Variants in INPP5D observed in about 807,000 individuals in gnomAD.
INPP5D encodes inositol polyphosphate-5-phosphatase D, also known as phosphatidylinositol 3,4,5-trisphosphate 5-phosphatase 1.
In INPP5D, 33 loss-of-function variants were observed where a neutral mutation model predicts 122.9. The observed-to-expected ratio is 0.27, with a 90% CI of 0.20 to 0.36. The LOEUF (loss-of-function observed/expected upper bound fraction) is 0.36, where lower values mean the gene tolerates loss of function less well. Among genes scored for constraint, INPP5D ranks in the 10% least tolerant of loss-of-function variants. The probability of loss-of-function intolerance (pLI) is 1.00; values close to 1 mark genes in which losing one functional copy is unlikely to be tolerated. For missense variants in INPP5D, 1,053 were observed against 1,412.7 expected, an observed-to-expected ratio of 0.75 and a Z score of 4.08; for synonymous variants, 584 against 576.2, an observed-to-expected ratio of 1.01 and a Z score of -0.19.
chr2:233,141,183 T>C (rs1295365177), intron 6 of INPP5D: 3 of 152,148 alleles, frequency 2.0e-5, no homozygotes, highest in Non-Finnish European at 4.4e-5. Context: ...AAATGTGAAC[T>C]GCAGGCATCC....
intron 1 of INPP5D, among the ~76,000 whole-genome samples, chr2:233,061,644 C>G (rs1009637988): frequency 1.7e-4 from 26 of 152,184 alleles, no homozygotes; most frequent in African/African-American, 5.8e-4. Flanking sequence ...ACCTGTCGTG[C>G]TAAGCATTTG....
intron 1 of INPP5D, among the ~76,000 whole-genome samples, chr2:233,062,060 G>T (rs540468938): frequency 1.2e-4 from 19 of 152,314 alleles, no homozygotes; most frequent in Admixed American, 7.2e-4. Flanking sequence ...GACTTCCCCA[G>T]TGGGGACCTG....
intron 2 of INPP5D, among the ~76,000 whole-genome samples, chr2:233,094,504 C>G (rs1372017688): frequency 4.6e-5 from 1 of 21,722 alleles, no homozygotes; most frequent in Non-Finnish European, 8.6e-5. Context: ...TAGAGCAAGA[C>G]TCCATCCCAA....
chr2:233,104,032 A>G (rs1206523560), intron 2 of INPP5D, among the ~76,000 whole-genome samples: 1 of 109,944 alleles, frequency 9.1e-6, no homozygotes, highest in East Asian at 2.6e-4. Flanking sequence ...TTTTTTTGAG[A>G]CATAGTCTTG....
At chr2:233,194,896 G>A (rs1265106732) in intron 23 of INPP5D, among the ~76,000 whole-genome samples, 3 of 151,966 alleles carry the variant, frequency 2.0e-5, no homozygotes, top group Non-Finnish European at 4.4e-5. Flanking sequence ...CCGCCTCCCA[G>A]GTTCAAGCAA....
chr2:233,064,058 G>A (rs1691145833), intron 1 of INPP5D, among the ~76,000 whole-genome samples: 1 of 152,272 alleles, frequency 6.6e-6, no homozygotes, highest in Non-Finnish European at 1.5e-5. Context: ...GGCCGAGCCG[G>A]CATCCCCTTG....
chr2:233,098,248 A>G (rs1692203129), intron 2 of INPP5D, among the ~76,000 whole-genome samples: 2 of 152,232 alleles, frequency 1.3e-5, no homozygotes, highest in East Asian at 1.9e-4. Flanking sequence ...GGAGGATGCA[A>G]GTCAAAGACA....
At chr2:233,110,350 T>C (rs1692587099) in intron 2 of INPP5D, among the ~76,000 whole-genome samples, 1 of 151,916 alleles carries the variant, frequency 6.6e-6, no homozygotes, top group Non-Finnish European at 1.5e-5. Context: ...CCACTGTGCC[T>C]GGCCTAATTT....
At chr2:233,065,740 G>A (rs1690671047) in intron 1 of INPP5D, among the ~76,000 whole-genome samples, 1 of 151,382 alleles carries the variant, frequency 6.6e-6, no homozygotes, top group Admixed American at 6.6e-5. Flanking sequence ...TCCACCTCCA[G>A]GATTCAAGCA....
At chr2:233,173,180 G>T (rs571704855) in intron 17 of INPP5D, among the ~76,000 whole-genome samples, 53 of 148,600 alleles carry the variant, frequency 3.6e-4, no homozygotes, top group Middle Eastern at 3.5e-3. Context: ...TTGCATGCCA[G>T]CCTGGGTGAC....
At chr2:233,064,435 C>G (rs1691156052) in intron 1 of INPP5D, among the ~76,000 whole-genome samples, 1 of 152,242 alleles carries the variant, frequency 6.6e-6, no homozygotes, top group African/African-American at 2.4e-5. Flanking sequence ...CCGGACAGAC[C>G]TGGCTTCACC....
At chr2:233,162,023 A>G (rs893772428) in intron 11 of INPP5D, among the ~76,000 whole-genome samples, 197 bp downstream of exon 11, 4 of 152,184 alleles carry the variant, frequency 2.6e-5, no homozygotes, top group African/African-American at 9.7e-5. Flanking sequence ...GATGGGTAAG[A>G]AAAACGAGCT....
chr2:233,156,573 G>A (rs1249156940), intron 9 of INPP5D, among the ~76,000 whole-genome samples: 1 of 152,170 alleles, frequency 6.6e-6, no homozygotes, highest in Non-Finnish European at 1.5e-5. Flanking sequence ...AGGATTACAG[G>A]CATGAGCCAC....
Position 233,105,193 on chromosome 2 carries a change from T to A in INPP5D, c.199-16914T>A, listed in dbSNP as rs1559293838. On this transcript the variant is annotated intron_variant, in intron 2 of 26. Transcript: ENST00000445964. This position sits in a 1 kb window ranked among gnomAD's most constrained non-coding sequence, Gnocchi z 4.0. Reference sequence around the variant, plus strand: ...AGCAAAGCAACAGAGCCCCCAGAAGTGGGGATGGGAGCAGGGGGGCGGTCA... The same window carrying A: ...AGCAAAGCAACAGAGCCCCCAGAAGAGGGGATGGGAGCAGGGGGGCGGTCA... Among the ~76,000 whole-genome samples the A allele has an allele frequency of 6.6e-6, 1 of 151,924 alleles. No homozygotes were observed. Among genetic ancestry groups the A allele is most frequent in the Admixed American group, 6.5e-5 (1 of 15,276 alleles).
At position 233,172,434 on chromosome 2, in the gene INPP5D, C is replaced by T. The variant is rs138787414; in HGVS notation, c.1989+1282C>T. ...GCGGCAGGGGCATCGGTGAGGAGGC[C>T]GTTGTGCACATTCAGCTGAGCAACA... On this transcript the variant is annotated intron_variant, in intron 17 of 26. Transcript: ENST00000445964. Among the ~76,000 whole-genome samples, 834 of 152,044 alleles carry T rather than the reference C, an allele frequency of 5.5e-3. 4 individuals carry two copies. The highest frequency in any genetic ancestry group is 0.012 in the Admixed American group (187 of 15,280).
intron 2 of INPP5D, among the ~76,000 whole-genome samples, chr2:233,119,497 T>C (rs1692902591): frequency 6.6e-6 from 1 of 152,200 alleles, no homozygotes; most frequent in South Asian, 2.1e-4. Flanking sequence ...GGTTCAATAA[T>C]GTTTGAAAGA....
intron 17 of INPP5D, 110 bp downstream of exon 17, chr2:233,171,262 A>G: frequency 1.4e-6 from 2 of 1,465,684 alleles, no homozygotes; most frequent in Non-Finnish European, 1.8e-6. Context: ...AAAAAAAAGG[A>G]AAGAAAAAAA....
chr2:233,060,366 G>A lies in INPP5D; in HGVS notation c.-113G>A. The A allele has an allele frequency of 4.0e-6, 5 of 1,249,708 alleles. No homozygotes were observed. Among genetic ancestry groups the A allele is most frequent in the Non-Finnish European group, 4.4e-6 (4 of 913,596 alleles). The allele number at this position is 1,249,708 out of a possible 1,614,324, so 77.4% of individuals were successfully genotyped here. The stretch of plus-strand genomic sequence containing the variant: ...CAGTTAAGCTGGTGGCAGCAGCCGA[G>A]GCCACCAAGAGGCAACGGGCGGCAG... On this transcript the variant is annotated 5_prime_UTR_variant, in exon 1 of 27. Transcript: ENST00000445964.
chr2:233,109,885 AG>A (rs1692571107), intron 2 of INPP5D, among the ~76,000 whole-genome samples: 1 of 148,348 alleles, frequency 6.7e-6, no homozygotes, highest in Non-Finnish European at 1.5e-5. Context: ...AGCGCCCACC[AG>A]TCTTTATCTT....
Sources: gnomAD v4.1 joint callset for allele counts (sites outside exome capture counted in the v4.1 genomes callset) on GRCh38, gnomAD v4.1.1 for gene constraint, Gnocchi (gnomAD v3.1) non-coding constraint, MANE v1.5 for transcripts, NCBI Gene and HGNC (gene_info 2026-07-23, HGNC 2026-07-21) for gene names.